MYO10: variants seen among roughly 807,000 people sequenced by gnomAD.
MYO10 encodes the protein unconventional myosin-X.
In MYO10, 133 loss-of-function variants were observed where a neutral mutation model predicts 257.3. The ratio of observed to expected loss-of-function variants is 0.52; its 90% CI spans 0.45 to 0.60. The LOEUF is 0.60. Ranked by LOEUF, MYO10 falls within the 20% of genes least tolerant of loss-of-function variation. The pLI, the probability that MYO10 is intolerant of heterozygous loss-of-function variation, is 0.00. For synonymous variants in MYO10, 1,104 were observed against 1,028.6 expected (o/e 1.07, Z -1.40); for missense variants, 2,399 against 2,635.7 (o/e 0.91, Z 1.97).
chr5:16,787,630 A>G (rs1001448599), intron 4 of MYO10, among the ~76,000 whole-genome samples: 1 of 140,956 alleles, frequency 7.1e-6, no homozygotes, highest in Non-Finnish European at 1.6e-5. Flanking sequence ...AAAAAAAAAA[A>G]AAAACTTTCT....
intron 3 of MYO10, among the ~76,000 whole-genome samples, chr5:16,817,383 T>C (rs1742656541): frequency 6.6e-6 from 1 of 152,206 alleles, no homozygotes; most frequent in Admixed American, 6.5e-5. Flanking sequence ...TATCTGTACT[T>C]TCACGTCAAA....
intron 2 of MYO10, among the ~76,000 whole-genome samples, 195 bp from the exon 3 acceptor site, chr5:16,818,362 A>ATGTG (rs35397872): frequency 7.3e-6 from 1 of 136,748 alleles, no homozygotes; most frequent in African/African-American, 2.9e-5. Context: ...GTGTGTATGT[A>ATGTG]TGTGTGTGTG....
intron 1 of MYO10, among the ~76,000 whole-genome samples, chr5:16,910,751 T>A (rs1404249225): frequency 6.6e-6 from 1 of 151,962 alleles, no homozygotes; most frequent in Non-Finnish European, 1.5e-5. Flanking sequence ...AGCATGGGGG[T>A]GTGGCTTCCC....
In MYO10 at chr5:16,676,035, G is replaced by C. The variant is rs1736706126; in HGVS notation, c.4662C>G (p.Leu1554=). The change falls in exon 34 of 41, where the codon CTC becomes CTG. Residue 1554 remains leucine (L), a synonymous_variant. Transcript: ENST00000513610. ...GGGGTGGAGCTCTGGACTTACAGTTGAGATTTATGTCCCCATACGGAAGGG... is the reference window on the plus strand; with the variant it reads ...GGGGTGGAGCTCTGGACTTACAGTTCAGATTTATGTCCCCATACGGAAGGG... The part of the protein sequence containing the change: ...LLPLPYGDIN[L]NLLKDKGYTT... 1 of 1,607,602 alleles carries C rather than the reference G, an allele frequency of 6.2e-7. No individual in the cohort carries two copies. Among genetic ancestry groups the C allele is most frequent in the Non-Finnish European group, 8.5e-7 (1 of 1,177,936 alleles).
chr5:16,912,276 A>G lies in MYO10; in HGVS notation c.21+23512T>C, dbSNP rs73754037. ...ACTTGTCAACATTTTGCAAATTGCA[A>G]CATTTCACAGAAATCTAGGTTTCTG... On this transcript the variant is annotated intron_variant, in intron 1 of 40. Transcript: ENST00000513610. Among the ~76,000 whole-genome samples the G allele has an allele frequency of 9.2e-3, 1,402 of 152,262 alleles. 21 individuals are homozygous for G. Among genetic ancestry groups the G allele is most frequent in the African/African-American group, 0.032 (1,325 of 41,552 alleles).
Position 16,686,997 on chromosome 5 carries a change from C to G in MYO10, c.3897-1166G>C, listed in dbSNP as rs1039915077. Among the ~76,000 whole-genome samples, 10 of 152,168 alleles carry G rather than the reference C, an allele frequency of 6.6e-5. No individual in the cohort carries two copies. In the East Asian group the frequency reaches 1.7e-3, roughly 27 times the overall value. On this transcript the variant is annotated intron_variant, in intron 28 of 40. Transcript: ENST00000513610. ...TCCATCTTTATTTCAAATGAGTACT[C>G]TCACATCCAACCTCATCACAATCAG...
chr5:16,720,750 G>GC (rs1561208713), intron 19 of MYO10, among the ~76,000 whole-genome samples: 1 of 152,182 alleles, frequency 6.6e-6, no homozygotes, highest in Non-Finnish European at 1.5e-5. Context: ...GAGCCACCGC[G>GC]CCCAGCCTCC....
At chr5:16,715,105 A>T (rs152724) in intron 19 of MYO10, among the ~76,000 whole-genome samples, 38,471 of 127,724 alleles carry the variant, frequency 0.3, 5,290 homozygotes, top group Middle Eastern at 0.36. Flanking sequence ...AAAATAAATT[A>T]AAAAAAAATT....
intron 1 of MYO10, among the ~76,000 whole-genome samples, chr5:16,889,062 A>G (rs1160331380): frequency 6.6e-6 from 1 of 151,766 alleles, no homozygotes; most frequent in Admixed American, 6.6e-5. Context: ...AGTCCCAACT[A>G]CTCAGCAGGC....
chr5:16,816,225 G>A (rs1383340594), intron 3 of MYO10, among the ~76,000 whole-genome samples: 2 of 151,328 alleles, frequency 1.3e-5, no homozygotes, highest in Non-Finnish European at 2.9e-5. Flanking sequence ...TGTAGTCCCA[G>A]CTACTCGGGA....
At chr5:16,792,126 CACACACAG>C (rs1251002364) in intron 4 of MYO10, among the ~76,000 whole-genome samples, 44 of 122,540 alleles carry the variant, frequency 3.6e-4, no homozygotes, top group Middle Eastern at 3.9e-3. Flanking sequence ...CACACACACA[CACACACAG>C]AGAGAGAGAG....
chr5:16,788,738 G>A (rs1741665642), intron 4 of MYO10, among the ~76,000 whole-genome samples: 1 of 152,052 alleles, frequency 6.6e-6, no homozygotes, highest in African/African-American at 2.4e-5. Context: ...GCTGAGGAGT[G>A]GCCGTGGAGA....
intron 3 of MYO10, among the ~76,000 whole-genome samples, chr5:16,809,462 G>A (rs1228632429): frequency 6.6e-6 from 1 of 152,224 alleles, no homozygotes; most frequent in African/African-American, 2.4e-5. Context: ...TCCAGTCCAC[G>A]GCAGGGTATG....
At chr5:16,696,212 C>T (rs1394009546) in intron 26 of MYO10, among the ~76,000 whole-genome samples, 1 of 152,090 alleles carries the variant, frequency 6.6e-6, no homozygotes. Context: ...TTGGCCCTCC[C>T]TTTGCAATTT....
chr5:16,894,757 G>A (rs1745172189), intron 1 of MYO10, among the ~76,000 whole-genome samples: 2 of 152,134 alleles, frequency 1.3e-5, no homozygotes, highest in Non-Finnish European at 2.9e-5. Context: ...GACTAATGTG[G>A]GGATACACAG....
intron 35 of MYO10, among the ~76,000 whole-genome samples, chr5:16,674,636 ACCAACG>A (rs1736638986): frequency 2.0e-5 from 3 of 151,440 alleles, no homozygotes; most frequent in Non-Finnish European, 4.4e-5. Flanking sequence ...AGGACATTAC[ACCAACG>A]GTGACTTGGT....
In MYO10 at chr5:16,702,604, G is replaced by A. The variant is rs1283179073; in HGVS notation, c.2511-16C>T. The A allele has an allele frequency of 2.6e-6, 4 of 1,567,238 alleles. No individual in the cohort carries two copies. Among genetic ancestry groups the A allele is most frequent in the African/African-American group, 1.4e-5 (1 of 73,832 alleles). ...CTCTCTTTCTCTAAAAATAGTAAAG[G>A]AAAAGTGAAAATCAACAACAATAAC... On this transcript the variant is annotated splice_polypyrimidine_tract_variant and intron_variant, in intron 23 of 40. Transcript: ENST00000513610.
At chr5:16,702,887 T>A (rs1738149158) in intron 23 of MYO10, 38 bp downstream of exon 23, 1 of 1,506,102 alleles carries the variant, frequency 6.6e-7, no homozygotes, top group South Asian at 1.2e-5. Flanking sequence ...ACTCAAAATG[T>A]ATCCATTTGT....
chr5:16,798,613 C>A (rs1337347106), intron 3 of MYO10, among the ~76,000 whole-genome samples: 6 of 152,226 alleles, frequency 3.9e-5, no homozygotes, highest in African/African-American at 1.4e-4. Flanking sequence ...ATACTTGAGG[C>A]TGTGAGTGCC....
Sources: gnomAD v4.1 joint callset for allele counts (sites outside exome capture counted in the v4.1 genomes callset) on GRCh38, gnomAD v4.1.1 for gene constraint, MANE v1.5 for transcripts, NCBI Gene and HGNC (gene_info 2026-07-23, HGNC 2026-07-21) for gene names.